The following SLIT3 variants were observed in gnomAD, a reference collection of about 807,000 sequenced individuals.
SLIT3 encodes slit guidance ligand 3.
Under a neutral mutation model 184.0 loss-of-function variants are expected in SLIT3, and 68 were observed. That is an observed-to-expected ratio of 0.37 (90% CI 0.30 to 0.45). The LOEUF is 0.45. Ranked by LOEUF, SLIT3 falls within the 20% of genes least tolerant of loss-of-function variation. SLIT3 has a pLI of 1.00. For missense variants in SLIT3, 1,707 were observed against 2,026.0 expected, an observed-to-expected ratio of 0.84 and a Z score of 3.02; for synonymous variants, 831 against 828.6, an observed-to-expected ratio of 1.00 and a Z score of -0.05.
At chr5:169,090,892 G>C (rs1759559368) in intron 4 of SLIT3, among the ~76,000 whole-genome samples, 1 of 152,236 alleles carries the variant, frequency 6.6e-6, no homozygotes, top group African/African-American at 2.4e-5. Flanking sequence ...AACTGCGAAA[G>C]AATACGTGAC....
At chr5:168,774,875 T>C (rs1755689343) in intron 12 of SLIT3, among the ~76,000 whole-genome samples, 2 of 152,178 alleles carry the variant, frequency 1.3e-5, no homozygotes, top group Admixed American at 6.5e-5. Flanking sequence ...ACTGCATCTA[T>C]GTGTAGGCAG....
At chr5:169,024,615 T>C (rs1485271236) in intron 4 of SLIT3, 1 of 152,076 alleles carries the variant, frequency 6.6e-6, no homozygotes, top group African/African-American at 2.4e-5. Flanking sequence ...TGGTATCAGA[T>C]TTGGACAGGG....
At chr5:168,897,647 T>TGCGCGCGCACACACACACACAC (rs3223457) in intron 4 of SLIT3, among the ~76,000 whole-genome samples, 80 of 141,528 alleles carry the variant, frequency 5.7e-4, no homozygotes, top group African/African-American at 2.0e-3. Flanking sequence ...CAGGTGCACG[T>TGCGCGCGCACACACACACACAC]ACACACACAC....
chr5:169,254,817 C>T (rs1765893599), intron 1 of SLIT3, among the ~76,000 whole-genome samples: 1 of 152,228 alleles, frequency 6.6e-6, no homozygotes, highest in Non-Finnish European at 1.5e-5. Flanking sequence ...ACATTAGGTG[C>T]AGATACCTTT....
chr5:168,916,398 AGCT>A (rs1761436053), intron 4 of SLIT3, among the ~76,000 whole-genome samples: 1 of 152,190 alleles, frequency 6.6e-6, no homozygotes, highest in Admixed American at 6.5e-5. Context: ...TGCAAGACAG[AGCT>A]GCTGCTGAGG....
In SLIT3 at chr5:169,251,416, A is replaced by G. The variant is rs146787729; in HGVS notation, c.241T>C (p.Phe81Leu). 3.9e-5 allele frequency: 63 copies of G among 1,613,608 alleles called. No individual in the cohort carries two copies. The highest frequency in any genetic ancestry group is 1.7e-4 in the Middle Eastern group (1 of 6,060). The change falls in exon 2 of 36, where the codon TTC (phenylalanine) becomes CTC (leucine). Residue 81 changes from phenylalanine to leucine, a missense_variant. Coordinates refer to ENST00000519560, the MANE Select transcript of SLIT3 (RefSeq NM_003062.4). ...ACTCGGAGGTTCTTGAGCCCAGCGA[A>G]GTCCATCTTGGTGATCCTGGTGATA... ...NNITRITKMD[F>L]AGLKNLRVLH...
intron 14 of SLIT3, among the ~76,000 whole-genome samples, chr5:168,770,697 AC>A (rs1755518759): frequency 1.3e-5 from 2 of 152,088 alleles, no homozygotes. Flanking sequence ...CAATCCAAGA[AC>A]CTGGCTCCTT....
chr5:169,241,780 C>T (rs1045590508), intron 3 of SLIT3, among the ~76,000 whole-genome samples: 5 of 152,214 alleles, frequency 3.3e-5, no homozygotes, highest in Admixed American at 2.0e-4. Flanking sequence ...GATAGGAAGA[C>T]ACCTGTGTTA....
chr5:168,912,356 T>G (rs1285319923), intron 4 of SLIT3, among the ~76,000 whole-genome samples: 1 of 152,194 alleles, frequency 6.6e-6, no homozygotes, highest in Non-Finnish European at 1.5e-5. Context: ...AAGTTATATG[T>G]GGATTTTCTA....
intron 4 of SLIT3, among the ~76,000 whole-genome samples, chr5:169,186,312 G>C (rs1016552904): frequency 2.0e-5 from 3 of 152,188 alleles, no homozygotes; most frequent in Admixed American, 2.0e-4. Context: ...ACAACCACGT[G>C]AGGAGGCAGC....
In SLIT3 at chr5:168,852,614, G is replaced by A. The variant is rs930957219; in HGVS notation, c.486-7959C>T. On this transcript the variant is annotated intron_variant, in intron 5 of 35. Coordinates refer to ENST00000519560, the MANE Select transcript of SLIT3 (RefSeq NM_003062.4). ...TCTCCTTCAGCCTCGAGAGATCTTTGTTTCCCTTTAAAAACATCACATAGA... is the reference window on the plus strand; with the variant it reads ...TCTCCTTCAGCCTCGAGAGATCTTTATTTCCCTTTAAAAACATCACATAGA... 3.9e-5 allele frequency among the ~76,000 whole-genome samples: 6 copies of A among 152,324 alleles called. No individual in the cohort carries two copies. In the South Asian group the frequency reaches 1.2e-3, roughly 32 times the overall value.
chr5:169,119,114 G>T (rs1432132340), intron 4 of SLIT3, among the ~76,000 whole-genome samples: 1 of 152,190 alleles, frequency 6.6e-6, no homozygotes, highest in Non-Finnish European at 1.5e-5. Context: ...TACTTGGACT[G>T]CTTCTGCAGC....
In SLIT3 at chr5:169,300,529, G is replaced by A. The variant is rs1767648617; in HGVS notation, c.181C>T (p.Arg61Cys). The A allele has an allele frequency of 6.6e-7, 1 of 1,507,072 alleles. No individual in the cohort carries two copies. Among genetic ancestry groups the A allele is most frequent in the Non-Finnish European group, 8.8e-7 (1 of 1,130,876 alleles). The allele number at this position is 1,507,072 out of a possible 1,614,324, so 93.4% of individuals were successfully genotyped here. The stretch of plus-strand genomic sequence containing the variant: ...GGTACTCACAGGCGCTCAGCGTTGC[G>A]GGGGATGCCCCGAGGAACCGCGCGG... ...GLRAVPRGIP[R>C]NAERLDLDRN... The change falls in exon 1 of 36, where the codon CGC (arginine) becomes TGC (cysteine). Residue 61 changes from arginine (R) to cysteine (C), a missense_variant. Around this residue, in one of 3 missense-constraint regions of SLIT3, gnomAD observed 1,307 missense variants for 1,511.6 expected, o/e 0.86. Coordinates refer to ENST00000519560, the MANE Select transcript of SLIT3 (RefSeq NM_003062.4). This position sits in a 1 kb window ranked among gnomAD's most constrained non-coding sequence, Gnocchi z 4.1.
chr5:169,062,605 T>G (rs1437284987), intron 4 of SLIT3, among the ~76,000 whole-genome samples: 2 of 152,254 alleles, frequency 1.3e-5, no homozygotes. Flanking sequence ...TAGATACTAG[T>G]GTATCATCCT....
intron 4 of SLIT3, among the ~76,000 whole-genome samples, chr5:168,888,541 C>A (rs866831252): frequency 5.5e-4 from 83 of 152,212 alleles, no homozygotes; most frequent in African/African-American, 1.9e-3. Flanking sequence ...TAAAATATCA[C>A]TCTCAAAAGA....
At chr5:169,049,798 G>A (rs936877559) in intron 4 of SLIT3, among the ~76,000 whole-genome samples, 3 of 152,156 alleles carry the variant, frequency 2.0e-5, no homozygotes, top group Admixed American at 1.3e-4. Context: ...CTCTAAAGTG[G>A]GCAGAAGAGA....
At chr5:168,859,211 T>C (rs6555834) in intron 5 of SLIT3, among the ~76,000 whole-genome samples, 53,679 of 151,976 alleles carry the variant, frequency 0.35, 9,965 homozygotes, top group African/African-American at 0.48. Flanking sequence ...ATGTTCTATA[T>C]TAACCCCTCC....
chr5:169,019,627 C>T (rs1255412974), intron 4 of SLIT3, among the ~76,000 whole-genome samples: 2 of 152,178 alleles, frequency 1.3e-5, no homozygotes, highest in Non-Finnish European at 2.9e-5. Flanking sequence ...TTATGATCAC[C>T]TGCTACCTCT....
intron 7 of SLIT3, among the ~76,000 whole-genome samples, chr5:168,821,031 A>C (rs981784996): frequency 6.6e-6 from 1 of 152,186 alleles, no homozygotes; most frequent in African/African-American, 2.4e-5. Context: ...TTCTGTACAG[A>C]GCCATCTCTG....
Sources: allele counts gnomAD v4.1 joint callset (sites outside exome capture counted in the v4.1 genomes callset), GRCh38; gene constraint gnomAD v4.1.1; regional missense constraint gnomAD v4.1.1; non-coding constraint Gnocchi (gnomAD v3.1); transcripts MANE v1.5; gene names NCBI Gene and HGNC (gene_info 2026-07-23, HGNC 2026-07-21).